KCNN2: variants seen among roughly 807,000 people sequenced by gnomAD.
The protein encoded by KCNN2 is small conductance calcium-activated potassium channel protein 2.
In KCNN2, 24 loss-of-function variants were observed where a neutral mutation model predicts 55.5. That is an observed-to-expected ratio of 0.43 (90% CI 0.31 to 0.61). The LOEUF (loss-of-function observed/expected upper bound fraction) is 0.61. KCNN2 is among the 20% of genes least tolerant of loss of function. The probability of loss-of-function intolerance (pLI) is 0.08; values close to 1 mark genes in which losing one functional copy is unlikely to be tolerated. For missense variants in KCNN2, 754 were observed against 853.6 expected, an observed-to-expected ratio of 0.88 and a Z score of 1.45; for synonymous variants, 431 against 336.1, an observed-to-expected ratio of 1.28 and a Z score of -3.09.
At chr5:114,060,769 G>A (rs539878152) in intron 1 of KCNN2, among the ~76,000 whole-genome samples, 2 of 152,320 alleles carry the variant, frequency 1.3e-5, no homozygotes, top group South Asian at 4.1e-4. Flanking sequence ...AGATAAGGAT[G>A]TGAAGTTTCT....
At chr5:114,189,503 A>G (rs1308886543) in intron 1 of KCNN2, among the ~76,000 whole-genome samples, 1 of 152,160 alleles carries the variant, frequency 6.6e-6, no homozygotes, top group African/African-American at 2.4e-5. Context: ...TCACAGACAT[A>G]CCCTGTCAAA....
chr5:114,483,582 A>G (rs927392646), intron 5 of KCNN2, among the ~76,000 whole-genome samples: 1 of 152,114 alleles, frequency 6.6e-6, no homozygotes, highest in Non-Finnish European at 1.5e-5. Context: ...AGCCAGTAGT[A>G]GTATATATTT....
At chr5:114,414,112 A>AT (rs926426148) in intron 3 of KCNN2, among the ~76,000 whole-genome samples, 18 of 151,996 alleles carry the variant, frequency 1.2e-4, no homozygotes, top group East Asian at 1.9e-4. Context: ...TCTGCATTGT[A>AT]TTTTTTTTAA....
chr5:114,471,869 G>T (rs775589073), intron 4 of KCNN2, among the ~76,000 whole-genome samples: 18 of 151,954 alleles, frequency 1.2e-4, no homozygotes, highest in Non-Finnish European at 2.4e-4. Context: ...CTCCTCAATC[G>T]TGTCCCTCCT....
At chr5:114,301,154 C>A (rs969573959) in intron 2 of KCNN2, among the ~76,000 whole-genome samples, 1 of 151,644 alleles carries the variant, frequency 6.6e-6, no homozygotes, top group Non-Finnish European at 1.5e-5. Context: ...GCACTGTTTT[C>A]TTCCAGGAGT....
At chr5:114,333,624 T>C (rs1421828252) in intron 2 of KCNN2, among the ~76,000 whole-genome samples, 1 of 151,604 alleles carries the variant, frequency 6.6e-6, no homozygotes, top group African/African-American at 2.4e-5. Context: ...AAAAAAAAAA[T>C]TGAATTTACC....
intron 2 of KCNN2, among the ~76,000 whole-genome samples, chr5:114,268,898 G>C (rs1015806894): frequency 6.6e-6 from 1 of 151,794 alleles, no homozygotes; most frequent in African/African-American, 2.4e-5. Context: ...AAACAAGAGA[G>C]ACAAGTCACT....
chr5:114,260,769 G>C (rs900524984), intron 2 of KCNN2, among the ~76,000 whole-genome samples: 1 of 152,086 alleles, frequency 6.6e-6, no homozygotes, highest in Non-Finnish European at 1.5e-5. Flanking sequence ...ATAGTCTAAA[G>C]TCTTCCCATA....
intron 1 of KCNN2, among the ~76,000 whole-genome samples, chr5:114,159,624 A>T (rs895256172): frequency 7.2e-5 from 11 of 152,112 alleles, no homozygotes; most frequent in Non-Finnish European, 1.6e-4. Flanking sequence ...CTGTGAGTCC[A>T]TCTGGTCCTG....
At chr5:114,123,760 G>C (rs554281684) in intron 1 of KCNN2, among the ~76,000 whole-genome samples, 3 of 152,212 alleles carry the variant, frequency 2.0e-5, no homozygotes, top group African/African-American at 7.2e-5. Context: ...TGATATTCTA[G>C]ATTCATGTCA....
chr5:114,341,569 T>C (rs1757015545), intron 2 of KCNN2, among the ~76,000 whole-genome samples: 1 of 152,146 alleles, frequency 6.6e-6, no homozygotes, highest in South Asian at 2.1e-4. Context: ...TCTGCTATGA[T>C]TGAGAAAGAC....
At chr5:114,364,083 C>G in intron 2 of KCNN2, 82 bp downstream of exon 2, 1 of 984,296 alleles carries the variant, frequency 1.0e-6, no homozygotes. Flanking sequence ...AGGCTTTTTT[C>G]AAGCCATCAT....
intron 1 of KCNN2, among the ~76,000 whole-genome samples, chr5:114,124,881 A>G (rs1751899736): frequency 6.6e-6 from 1 of 151,942 alleles, no homozygotes; most frequent in South Asian, 2.1e-4. Flanking sequence ...TTTTCTTCTC[A>G]CTATTATCAC....
intron 1 of KCNN2, among the ~76,000 whole-genome samples, chr5:114,165,246 C>T (rs1195399584): frequency 6.6e-6 from 1 of 152,128 alleles, no homozygotes; most frequent in Non-Finnish European, 1.5e-5. Context: ...CCTCCTCTGC[C>T]TCTGTCACCC....
chr5:114,107,599 G>T (rs1351629291), intron 1 of KCNN2, among the ~76,000 whole-genome samples: 1 of 151,620 alleles, frequency 6.6e-6, no homozygotes, highest in African/African-American at 2.4e-5. Flanking sequence ...GAAGGTCTGT[G>T]TTGCCATGCT....
intron 1 of KCNN2, among the ~76,000 whole-genome samples, chr5:114,176,309 C>T (rs537435009): frequency 1.3e-5 from 2 of 152,138 alleles, no homozygotes; most frequent in Admixed American, 6.5e-5. Flanking sequence ...GCTATAACAA[C>T]GCTTATAATC....
chr5:114,304,246 G>A (rs1195207799), intron 2 of KCNN2, among the ~76,000 whole-genome samples: 2 of 152,136 alleles, frequency 1.3e-5, no homozygotes, highest in African/African-American at 4.8e-5. Context: ...TCCTCCATCA[G>A]CTGGCTATAA....
intron 1 of KCNN2, among the ~76,000 whole-genome samples, chr5:114,105,456 A>G (rs1466289969): frequency 6.6e-6 from 1 of 152,094 alleles, no homozygotes; most frequent in Non-Finnish European, 1.5e-5. Context: ...AGTCAATACA[A>G]GTCATCTGTA....
intron 3 of KCNN2, among the ~76,000 whole-genome samples, chr5:114,450,858 G>A: frequency 6.6e-6 from 1 of 152,044 alleles, no homozygotes; most frequent in East Asian, 1.9e-4. Flanking sequence ...TTGACCTACT[G>A]GATATTACAT....
Sources: gnomAD v4.1 joint callset for allele counts (sites outside exome capture counted in the v4.1 genomes callset) on GRCh38, gnomAD v4.1.1 for gene constraint, MANE v1.5 for transcripts, NCBI Gene and HGNC (gene_info 2026-07-23, HGNC 2026-07-21) for gene names.